Variants in COL26A1 observed in about 807,000 individuals in gnomAD.
COL26A1 encodes collagen alpha-1(XXVI) chain.
Under a neutral mutation model 59.3 loss-of-function variants are expected in COL26A1, and 41 were observed. That is an observed-to-expected ratio of 0.69 (90% confidence interval 0.54 to 0.90). COL26A1 has a LOEUF of 0.90. Ranked by LOEUF, COL26A1 falls within the 40% of genes least tolerant of loss-of-function variation. The probability of loss-of-function intolerance (pLI) is 0.00; values close to 1 mark genes in which losing one functional copy is unlikely to be tolerated. For synonymous variants in COL26A1, 266 were observed against 256.0 expected, an observed-to-expected ratio of 1.04 and a Z score of -0.37; for missense variants, 612 against 602.3, an observed-to-expected ratio of 1.02 and a Z score of -0.17.
At chr7:101,407,327 G>T (rs1253421057) in intron 1 of COL26A1, among the ~76,000 whole-genome samples, 1 of 152,098 alleles carries the variant, frequency 6.6e-6, no homozygotes, top group East Asian at 1.9e-4. Context: ...GTCTCTGCTC[G>T]ATATTCCTGA....
intron 1 of COL26A1, among the ~76,000 whole-genome samples, chr7:101,380,886 G>A (rs1485073493): frequency 6.6e-6 from 1 of 152,210 alleles, no homozygotes; most frequent in Non-Finnish European, 1.5e-5. Flanking sequence ...TAATTCATGA[G>A]TGGTTATCTT....
intron 8 of COL26A1, among the ~76,000 whole-genome samples, chr7:101,547,718 T>C (rs77944001): frequency 0.016 from 2,445 of 152,252 alleles, 26 homozygotes; most frequent in Middle Eastern, 0.031. Context: ...CATTCATTCA[T>C]TCATTTGTTT....
At chr7:101,397,035 G>T (rs1288755767) in intron 1 of COL26A1, among the ~76,000 whole-genome samples, 1 of 152,168 alleles carries the variant, frequency 6.6e-6, no homozygotes, top group East Asian at 1.9e-4. Context: ...GCATGGGATG[G>T]AGAGACATGG....
chr7:101,370,194 T>C (rs922843264), intron 1 of COL26A1, among the ~76,000 whole-genome samples: 22 of 152,000 alleles, frequency 1.4e-4, no homozygotes, highest in African/African-American at 5.1e-4. Flanking sequence ...CTGGTTGATA[T>C]GGCCTTTCAG....
chr7:101,482,266 C>T (rs1794172796), intron 3 of COL26A1, among the ~76,000 whole-genome samples: 1 of 152,182 alleles, frequency 6.6e-6, no homozygotes, highest in Admixed American at 6.5e-5. Context: ...CCTTGTCCTC[C>T]CAAAGTGCTG....
At chr7:101,472,915 A>G (rs1007201430) in intron 3 of COL26A1, among the ~76,000 whole-genome samples, 1 of 152,094 alleles carries the variant, frequency 6.6e-6, no homozygotes, top group Non-Finnish European at 1.5e-5. Flanking sequence ...TGGCGTTGGA[A>G]TGTTCCAGAA....
chr7:101,457,342 C>T lies in COL26A1; in HGVS notation c.385+9555C>T, dbSNP rs115359681. The stretch of plus-strand genomic sequence containing the variant: ...AGTCATCAATGTTATGACCTCTGGC[C>T]GCATGTCTCCTGTGTCATAAAGGAT... On this transcript the variant is annotated intron_variant, in intron 3 of 12. Transcript: ENST00000313669. Among the ~76,000 whole-genome samples the T allele has an allele frequency of 8.0e-3, 1,218 of 152,192 alleles. 20 individuals are homozygous for T. Among genetic ancestry groups the T allele is most frequent in the African/African-American group, 0.028 (1,151 of 41,524 alleles).
intron 3 of COL26A1, among the ~76,000 whole-genome samples, chr7:101,465,691 CAAAAAA>C (rs539721605): frequency 0.39 from 39,660 of 102,472 alleles, 6,032 homozygotes; most frequent in Middle Eastern, 0.44. Context: ...GAAACTGTCT[CAAAAAA>C]AAAAAAAAAA....
At position 101,449,673 on chromosome 7, in the gene COL26A1, G is replaced by A. The variant is rs139337950; in HGVS notation, c.385+1886G>A. On this transcript the variant is annotated intron_variant, in intron 3 of 12. Coordinates refer to ENST00000313669, the MANE Select transcript of COL26A1 (RefSeq NM_001278563.3). Reference sequence around the variant, plus strand: ...TAGTCCCAGGTACTCAGGAGGCTGAGGTAGGAGGATCACTGATGTATGTGT... The same window carrying A: ...TAGTCCCAGGTACTCAGGAGGCTGAAGTAGGAGGATCACTGATGTATGTGT... Among the ~76,000 whole-genome samples the A allele has an allele frequency of 2.0e-5, 3 of 152,262 alleles. No individual in the cohort carries two copies. The East Asian group carries it at 5.8e-4, about 29-fold the overall frequency.
At chr7:101,402,611 TTC>T (rs981594128) in intron 1 of COL26A1, among the ~76,000 whole-genome samples, 6 of 149,496 alleles carry the variant, frequency 4.0e-5, no homozygotes, top group African/African-American at 1.3e-4. Flanking sequence ...CTTTCCTTTC[TTC>T]TCTTTCTCTT....
chr7:101,376,333 C>T (rs563207738), intron 1 of COL26A1, among the ~76,000 whole-genome samples: 1 of 152,052 alleles, frequency 6.6e-6, no homozygotes, highest in East Asian at 1.9e-4. Flanking sequence ...ATATCCTCCC[C>T]AAAACAAAAC....
chr7:101,504,918 C>T (rs1794776730), intron 3 of COL26A1, among the ~76,000 whole-genome samples: 1 of 152,030 alleles, frequency 6.6e-6, no homozygotes, highest in South Asian at 2.1e-4. Context: ...CTTTGGGAGG[C>T]TGAGGCGGGC....
chr7:101,365,926 G>A (rs893562926), intron 1 of COL26A1, among the ~76,000 whole-genome samples: 21 of 152,194 alleles, frequency 1.4e-4, no homozygotes, highest in African/African-American at 4.8e-4. Context: ...CATTTGGTGG[G>A]TTGGAACTTG....
intron 4 of COL26A1, among the ~76,000 whole-genome samples, chr7:101,538,915 G>T (rs1011880010): frequency 6.6e-6 from 1 of 152,328 alleles, no homozygotes; most frequent in East Asian, 1.9e-4. Context: ...CACGCCCCTC[G>T]GCCCCAGGAC....
chr7:101,557,659 G>A lies in COL26A1; in HGVS notation c.*129G>A. 1 of 941,380 alleles carries A rather than the reference G, an allele frequency of 1.1e-6. No individual in the cohort carries two copies. 58.3% of individuals were successfully genotyped at this position (941,380 alleles called of 1,614,324 possible). On this transcript the variant is annotated 3_prime_UTR_variant, in exon 13 of 13. Coordinates refer to ENST00000313669, the MANE Select transcript of COL26A1 (RefSeq NM_001278563.3). ...GCATGGATGATTGTGAGGACATGGG[G>A]GGCTTTGGGGACAGATAATGTCTCC...
intron 2 of COL26A1, among the ~76,000 whole-genome samples, chr7:101,445,470 G>A (rs1256743875): frequency 2.0e-5 from 3 of 151,642 alleles, no homozygotes; most frequent in African/African-American, 7.3e-5. Flanking sequence ...GGTGGCTCAC[G>A]CCTGTAATCC....
chr7:101,437,929 T>C (rs2130345665), intron 2 of COL26A1, among the ~76,000 whole-genome samples: 1 of 151,776 alleles, frequency 6.6e-6, no homozygotes, highest in African/African-American at 2.4e-5. Context: ...CTCAGGTTGG[T>C]CTTGAACTCC....
rs1796046171 is a variant in COL26A1, at chr7:101,559,011, G to T, written c.*1481G>T. 2.0e-5 allele frequency: 3 copies of T among 152,362 alleles called. No homozygotes were observed. Among genetic ancestry groups the T allele is most frequent in the Middle Eastern group, 3.4e-3 (1 of 296 alleles). 9.4% of individuals were successfully genotyped at this position (152,362 alleles called of 1,614,324 possible). ...CGTTATTATTATATGTGACAATAAA[G>T]GTGCTCTCCCCACTGTGGGTCTGTT... is the stretch of plus-strand genomic sequence containing the variant. On this transcript the variant is annotated 3_prime_UTR_variant, in exon 13 of 13. Coordinates refer to ENST00000313669, the MANE Select transcript of COL26A1 (RefSeq NM_001278563.3).
chr7:101,459,100 C>T (rs1237747523), intron 3 of COL26A1, among the ~76,000 whole-genome samples: 1 of 152,140 alleles, frequency 6.6e-6, no homozygotes, highest in Non-Finnish European at 1.5e-5. Flanking sequence ...AGGCATGAAT[C>T]ACTGTGCCTG....
Sources: gnomAD v4.1 joint callset for allele counts (sites outside exome capture counted in the v4.1 genomes callset) on GRCh38, gnomAD v4.1.1 for gene constraint, MANE v1.5 for transcripts, NCBI Gene and HGNC (gene_info 2026-07-23, HGNC 2026-07-21) for gene names.